FANCM: variants seen among roughly 807,000 people sequenced by gnomAD.
FANCM encodes Fanconi anemia group M protein.
In FANCM, 140 loss-of-function variants were observed where a neutral mutation model predicts 199.5. The ratio of observed to expected loss-of-function variants is 0.70; its 90% confidence interval spans 0.61 to 0.81. The LOEUF is 0.81. Ranked by LOEUF, FANCM falls within the 30% of genes least tolerant of loss-of-function variation. The pLI, the probability that FANCM is intolerant of heterozygous loss-of-function variation, is 0.00. For synonymous variants in FANCM, 840 were observed against 836.8 expected (o/e 1.00, Z -0.07); for missense variants, 2,410 against 2,421.4 (o/e 1.00, Z 0.10).
intron 21 of FANCM, among the ~76,000 whole-genome samples, chr14:45,197,222 A>G (rs1384906499): frequency 6.6e-6 from 1 of 152,166 alleles, no homozygotes; most frequent in East Asian, 1.9e-4. Context: ...TGCATTGACA[A>G]ATCACTCCCT....
intron 18 of FANCM, among the ~76,000 whole-genome samples, chr14:45,187,247 CTT>C (rs1319291537): frequency 6.9e-6 from 1 of 145,302 alleles, no homozygotes; most frequent in Non-Finnish European, 1.5e-5. Context: ...TTCACATTAT[CTT>C]TTGTTTTTAT....
chr14:45,141,310 A>C (rs1375455030), intron 3 of FANCM, among the ~76,000 whole-genome samples: 1 of 149,534 alleles, frequency 6.7e-6, no homozygotes, highest in Non-Finnish European at 1.5e-5. Context: ...AAAAAAAAAG[A>C]AAGCAAAAAA....
intron 14 of FANCM, among the ~76,000 whole-genome samples, chr14:45,177,482 C>G (rs1437794411): frequency 6.6e-6 from 1 of 152,064 alleles, no homozygotes; most frequent in Non-Finnish European, 1.5e-5. Context: ...ACCTCCGCCT[C>G]CCAGGTTCAA....
At position 45,153,785 on chromosome 14, in the gene FANCM, G is replaced by A. The variant is rs956781910; in HGVS notation, c.1051-135G>A. The stretch of plus-strand genomic sequence containing the variant: ...TTAATAACCAATCGGTTATAGCAGT[G>A]TAGAAGGGAATGATGATTATGATCA... On this transcript the variant is annotated intron_variant, in intron 5 of 22. Coordinates refer to ENST00000267430, the MANE Select transcript of FANCM (RefSeq NM_020937.4). 1.2e-4 allele frequency: 91 copies of A among 777,224 alleles called. No individual in the cohort carries two copies. The African/African-American group carries it at 1.5e-3, about 13-fold the overall frequency. 48.1% of individuals were successfully genotyped at this position (777,224 alleles called of 1,614,324 possible).
intron 3 of FANCM, among the ~76,000 whole-genome samples, chr14:45,144,417 C>T (rs976945638): frequency 3.4e-5 from 5 of 146,718 alleles, no homozygotes; most frequent in Admixed American, 6.9e-5. Context: ...AAAGTTAGAA[C>T]GTGTGAAGTT....
chr14:45,165,815 G>A lies in FANCM; in HGVS notation c.1789-1135G>A, dbSNP rs770820695. 7.9e-5 allele frequency among the ~76,000 whole-genome samples: 12 copies of A among 152,100 alleles called. No homozygotes were observed. The South Asian group carries it at 1.9e-3, about 24-fold the overall frequency. ...GTTTCTTATCTGTAAAATAGTAACA[G>A]TGGCCCCGTTTACTCAGTATTTACA... On this transcript the variant is annotated intron_variant, in intron 10 of 22. Transcript: ENST00000267430.
At chr14:45,152,265 G>C (rs1416580350) in intron 5 of FANCM, among the ~76,000 whole-genome samples, 1 of 152,014 alleles carries the variant, frequency 6.6e-6, no homozygotes, top group Non-Finnish European at 1.5e-5. Flanking sequence ...CCTGACCTCA[G>C]GTGATCTGCC....
Position 45,154,002 on chromosome 14 carries a change from G to A in FANCM, c.1133G>A (p.Gly378Glu), listed in dbSNP as rs1060501894. The A allele has an allele frequency of 6.3e-7, 1 of 1,584,208 alleles. No homozygotes were observed. The highest frequency in any genetic ancestry group is 8.7e-7 in the Non-Finnish European group (1 of 1,152,932). Residue 378 changes from glycine to glutamate, a missense_variant, in exon 6 of 23, where the codon GGA (glycine) becomes GAA (glutamate). Transcript: ENST00000267430. ...GGTTATGAATTATTGCAGCAAATGG[G>A]AATGAGATCATTATATTTCTTCCTT... ...YHGYELLQQM[G>E]MRSLYFFLCG...
intron 3 of FANCM, among the ~76,000 whole-genome samples, chr14:45,145,797 C>T (rs1234489452): frequency 4.6e-5 from 7 of 152,170 alleles, no homozygotes; most frequent in African/African-American, 1.7e-4. Context: ...CGGTGGCTCA[C>T]GCCTGTAATC....
chr14:45,189,468 T>C (rs1262072650), intron 20 of FANCM, 106 bp downstream of exon 20: 4 of 908,758 alleles, frequency 4.4e-6, no homozygotes, highest in Non-Finnish European at 6.8e-6. Flanking sequence ...AAAGAAAAAT[T>C]AACAAAAAAA....
chr14:45,143,690 A>AT (rs869298490), intron 3 of FANCM, among the ~76,000 whole-genome samples: 12,069 of 123,948 alleles, frequency 0.097, 1,656 homozygotes, highest in African/African-American at 0.29. Context: ...TTGAGTAAGG[A>AT]TTTTTTTTTT....
chr14:45,137,667 C>A, intron 2 of FANCM: 1 of 194,840 alleles, frequency 5.1e-6, no homozygotes, highest in Non-Finnish European at 1.1e-5. Context: ...CAGTGCCTTC[C>A]AGTTGAGTAC....
intron 12 of FANCM, 78 bp downstream of exon 12, chr14:45,170,824 T>G: frequency 4.2e-6 from 5 of 1,190,068 alleles, no homozygotes; most frequent in Non-Finnish European, 6.3e-6. Context: ...TTCTTTATAA[T>G]GATCAAGCAA....
intron 14 of FANCM, among the ~76,000 whole-genome samples, chr14:45,179,664 C>T (rs1020220132): frequency 6.7e-6 from 1 of 150,342 alleles, no homozygotes; most frequent in Non-Finnish European, 1.5e-5. Context: ...CAGGTTCAAG[C>T]GATTCTCCTG....
rs200360968 is a variant in FANCM at position 45,181,685 on chromosome 14, C to T, written c.4366C>T (p.Arg1456Cys). Reference sequence around the variant, plus strand: ...TTCTCCACTTCATGCTGTCAAAAAGCGCAGATTTCCTATAAACAGAGTAAG... The same window carrying T: ...TTCTCCACTTCATGCTGTCAAAAAGTGCAGATTTCCTATAAACAGAGTAAG... The part of the protein sequence containing the change: ...VDSPLHAVKK[R>C]RFPINRSELS... The change falls in exon 16 of 23, where the codon CGC becomes TGC. Residue 1456 changes from arginine (R) to cysteine (C), a missense_variant. Coordinates refer to ENST00000267430, the MANE Select transcript of FANCM (RefSeq NM_020937.4). The T allele has an allele frequency of 3.2e-4, 513 of 1,608,636 alleles. No homozygotes were observed. The highest frequency in any genetic ancestry group is 5.0e-4 in the Middle Eastern group (3 of 5,988).
chr14:45,194,946 A>G (rs1033126918), intron 20 of FANCM, among the ~76,000 whole-genome samples: 10 of 151,872 alleles, frequency 6.6e-5, no homozygotes, highest in African/African-American at 2.4e-4. Context: ...ACAGGGTTTC[A>G]CCACGTTGGC....
intron 19 of FANCM, 106 bp downstream of exon 19, chr14:45,187,993 A>G (rs1889512994): frequency 5.8e-6 from 4 of 695,148 alleles, no homozygotes; most frequent in Non-Finnish European, 1.1e-5. Flanking sequence ...TGTCAGAGCT[A>G]TTTGAGATCA....
chr14:45,177,053 A>G lies in FANCM; in HGVS notation c.4222+77A>G. The G allele has an allele frequency of 3.1e-6, 3 of 974,618 alleles. 1 individual carries two copies. In the South Asian group the frequency reaches 4.2e-5, roughly 14 times the overall value. The allele number at this position is 974,618 out of a possible 1,614,324, so 60.4% of individuals were successfully genotyped here. On this transcript the variant is annotated intron_variant, in intron 14 of 22. Transcript: ENST00000267430. ...AGAAATACTTTGGTAATTTTTCCAAATGTAATTTTTTAGTACATGGTACAA... is the reference window on the plus strand; with the variant it reads ...AGAAATACTTTGGTAATTTTTCCAAGTGTAATTTTTTAGTACATGGTACAA...
Position 45,164,485 on chromosome 14 carries a change from C to G in FANCM, c.1708C>G (p.Leu570Val). The G allele has an allele frequency of 6.2e-7, 1 of 1,613,514 alleles. No homozygotes were observed. Among genetic ancestry groups the G allele is most frequent in the African/African-American group, 1.3e-5 (1 of 75,020 alleles). ...CFDSQKSPIR[L>V]VQRMGRTGRK... ...TGATTCCCAGAAGAGCCCAATTCGT[C>G]TTGTACAACGAATGGGTAGAACTGG... Residue 570 changes from leucine to valine, a missense_variant, in exon 10 of 23, where the codon CTT (leucine) becomes GTT (valine). Transcript: ENST00000267430.
Sources: gnomAD v4.1 joint callset for allele counts (sites outside exome capture counted in the v4.1 genomes callset) on GRCh38, gnomAD v4.1.1 for gene constraint, MANE v1.5 for transcripts, NCBI Gene and HGNC (gene_info 2026-07-23, HGNC 2026-07-21) for gene names.